The following GLRA3 variants were observed in gnomAD, a reference collection of about 807,000 sequenced individuals.
The protein encoded by GLRA3 is glycine receptor subunit alpha-3.
GLRA3 carries 44 observed loss-of-function variants against 60.4 expected under a neutral mutation model. The observed-to-expected ratio is 0.73, with a 90% CI of 0.57 to 0.94. The LOEUF is 0.94. Among genes scored for constraint, GLRA3 ranks in the 40% least tolerant of loss-of-function variants. The pLI is 0.00. For synonymous variants in GLRA3, 223 were observed against 192.9 expected (o/e 1.16, Z -1.29); for missense variants, 508 against 564.6 (o/e 0.90, Z 1.02).
intron 2 of GLRA3, among the ~76,000 whole-genome samples, chr4:174,771,622 G>A (rs750116805): frequency 2.0e-5 from 3 of 152,008 alleles, no homozygotes; most frequent in Non-Finnish European, 2.9e-5. Flanking sequence ...CCATGTTGGG[G>A]GAACATGGCC....
Position 174,677,084 on chromosome 4 carries a change from C to A in GLRA3, c.921G>T (p.Leu307Phe), listed in dbSNP as rs2110953808. 6.2e-7 allele frequency: 1 copy of A among 1,601,710 alleles called. No homozygotes were observed. Among genetic ancestry groups the A allele is most frequent in the South Asian group, 1.1e-5 (1 of 90,840 alleles). ...TTQSSGSRASLPKVSYVKAID... is the reference protein window; with the variant it reads ...TTQSSGSRASFPKVSYVKAID... ...GCTCATTCAGTGCACTTACTTTTGG[C>A]AAGGAAGCTCGTGATCCTGAACTCT... is the stretch of plus-strand genomic sequence containing the variant. Residue 307 changes from leucine to phenylalanine, a missense_variant, in exon 7 of 10, where the codon TTG (leucine) becomes TTT (phenylalanine). Coordinates refer to ENST00000274093, the MANE Select transcript of GLRA3 (RefSeq NM_006529.4).
At chr4:174,711,282 T>C (rs1036356750) in intron 5 of GLRA3, among the ~76,000 whole-genome samples, 8 of 151,596 alleles carry the variant, frequency 5.3e-5, no homozygotes, top group African/African-American at 1.5e-4. Context: ...AGAATAAAAA[T>C]TCTCTCTCTC....
chr4:174,788,940 C>T lies in GLRA3; in HGVS notation c.75G>A (p.Leu25=). Residue 25 remains leucine (L), a synonymous_variant, in exon 2 of 10, where the codon TTG becomes TTA. Transcript: ENST00000274093. ...CACTGTCTGTTTCCTTTGTGGCAAC[C>T]AAACTACAAATAAGAACAAAAATAT... is the stretch of plus-strand genomic sequence containing the variant. The part of the protein sequence containing the change: ...YFWEAALLLS[L]VATKETDSAR... 1 of 1,573,382 alleles carries T rather than the reference C, an allele frequency of 6.4e-7. No homozygotes were observed. The highest frequency in any genetic ancestry group is 8.6e-7 in the Non-Finnish European group (1 of 1,159,070).
In GLRA3 at chr4:174,731,945, T is replaced by C. The variant is rs188360022; in HGVS notation, c.268-3247A>G. Among the ~76,000 whole-genome samples the C allele has an allele frequency of 8.5e-5, 13 of 152,336 alleles. No homozygotes were observed. In the East Asian group the frequency reaches 2.5e-3, roughly 29 times the overall value. On this transcript the variant is annotated intron_variant, in intron 3 of 9. Transcript: ENST00000274093. ...AAAGAAGTGCAAATTAAGATACTAATGAGATACCATTTTATATTTACTGGG... is the reference window on the plus strand; with the variant it reads ...AAAGAAGTGCAAATTAAGATACTAACGAGATACCATTTTATATTTACTGGG...
intron 7 of GLRA3, 104 bp from the exon 8 acceptor site, chr4:174,659,301 A>C (rs566685256): frequency 4.0e-5 from 31 of 768,294 alleles, no homozygotes; most frequent in Middle Eastern, 2.4e-4. Flanking sequence ...ATTTATACAT[A>C]AGTTTTAAAA....
At position 174,828,971 on chromosome 4, in the gene GLRA3, C is replaced by A; in HGVS notation, c.-160G>T. On this transcript the variant is annotated 5_prime_UTR_variant, in exon 1 of 10. Transcript: ENST00000274093. ...TAGACAGCTCCCCGCAGTATGCGGA[C>A]CCCTTCTCAGCATTGAGCAGAAGTG... is the stretch of plus-strand genomic sequence containing the variant. 1 of 623,128 alleles carries A rather than the reference C, an allele frequency of 1.6e-6. No individual in the cohort carries two copies. The allele number at this position is 623,128 out of a possible 1,614,324, so 38.6% of individuals were successfully genotyped here. A position where few individuals can be genotyped will look rare whatever the true frequency, so the allele number is the denominator to read the frequency against.
chr4:174,664,111 G>A (rs1733567141), intron 7 of GLRA3, among the ~76,000 whole-genome samples: 1 of 152,034 alleles, frequency 6.6e-6, no homozygotes, highest in Non-Finnish European at 1.5e-5. Context: ...TGTTTTCTGG[G>A]TTTCCCTCCC....
chr4:174,660,028 C>T (rs894841445), intron 7 of GLRA3, among the ~76,000 whole-genome samples: 2 of 149,964 alleles, frequency 1.3e-5, no homozygotes, highest in East Asian at 3.9e-4. Context: ...TAATATTTAA[C>T]TACATTTATT....
intron 7 of GLRA3, among the ~76,000 whole-genome samples, chr4:174,673,359 A>T (rs1418113062): frequency 6.6e-6 from 1 of 152,142 alleles, no homozygotes; most frequent in Non-Finnish European, 1.5e-5. Context: ...TTGAAATCAA[A>T]TTTATACTAA....
At chr4:174,716,238 G>A (rs979267368) in intron 4 of GLRA3, among the ~76,000 whole-genome samples, 4 of 152,126 alleles carry the variant, frequency 2.6e-5, no homozygotes, top group African/African-American at 9.7e-5. Context: ...TCAGGGTCAG[G>A]AAATAGCCCT....
chr4:174,808,135 A>G (rs1740121961), intron 1 of GLRA3, among the ~76,000 whole-genome samples: 1 of 152,142 alleles, frequency 6.6e-6, no homozygotes, highest in Non-Finnish European at 1.5e-5. Flanking sequence ...GAAGAAAATA[A>G]ATATTTGAAA....
chr4:174,665,901 G>T (rs1733648119), intron 7 of GLRA3, among the ~76,000 whole-genome samples: 1 of 152,070 alleles, frequency 6.6e-6, no homozygotes, highest in African/African-American at 2.4e-5. Context: ...GCCAGGAAAT[G>T]CTCTTCATAC....
chr4:174,798,224 G>A (rs1032084160), intron 1 of GLRA3, among the ~76,000 whole-genome samples: 1 of 152,180 alleles, frequency 6.6e-6, no homozygotes, highest in African/African-American at 2.4e-5. Flanking sequence ...GGCTCCTGAA[G>A]CAGGGAAGGT....
intron 3 of GLRA3, among the ~76,000 whole-genome samples, chr4:174,758,656 G>C (rs991702444): frequency 2.0e-5 from 3 of 152,062 alleles, no homozygotes; most frequent in Admixed American, 2.0e-4. Context: ...ATCAATATTT[G>C]TTCACAAATG....
intron 5 of GLRA3, among the ~76,000 whole-genome samples, chr4:174,694,816 A>G (rs531189498): frequency 3.3e-5 from 5 of 152,012 alleles, no homozygotes; most frequent in African/African-American, 7.2e-5. Flanking sequence ...TTAATAAAAC[A>G]TAGGCCACTA....
chr4:174,645,912 C>A (rs928076437), intron 9 of GLRA3, among the ~76,000 whole-genome samples: 3 of 152,106 alleles, frequency 2.0e-5, no homozygotes, highest in Non-Finnish European at 4.4e-5. Context: ...AAAATAGCAT[C>A]CTTATAACTT....
intron 5 of GLRA3, among the ~76,000 whole-genome samples, chr4:174,710,069 A>C (rs1388313967): frequency 6.6e-6 from 1 of 151,960 alleles, no homozygotes. Flanking sequence ...AAAATATCAC[A>C]AAGAGTTCCT....
chr4:174,725,858 A>G (rs1736302466), intron 4 of GLRA3, among the ~76,000 whole-genome samples: 1 of 152,118 alleles, frequency 6.6e-6, no homozygotes, highest in Admixed American at 6.6e-5. Flanking sequence ...GGTTCTTTGT[A>G]TGATTTCTGG....
At chr4:174,719,399 A>G (rs1474921306) in intron 4 of GLRA3, among the ~76,000 whole-genome samples, 2 of 152,212 alleles carry the variant, frequency 1.3e-5, no homozygotes, top group Admixed American at 6.5e-5. Flanking sequence ...GCATGCACAT[A>G]TCAGTTATTT....
Sources: allele counts gnomAD v4.1 joint callset (sites outside exome capture counted in the v4.1 genomes callset), GRCh38; gene constraint gnomAD v4.1.1; transcripts MANE v1.5; gene names NCBI Gene and HGNC (gene_info 2026-07-23, HGNC 2026-07-21).